Variants in GABRG3 observed in about 807,000 individuals in gnomAD.
GABRG3 encodes gamma-aminobutyric acid type A receptor subunit gamma3.
Under a neutral mutation model 48.8 loss-of-function variants are expected in GABRG3, and 25 were observed. The ratio of observed to expected loss-of-function variants is 0.51; its 90% CI spans 0.37 to 0.72. The LOEUF is 0.72. GABRG3 is among the 30% of genes least tolerant of loss of function. The probability of loss-of-function intolerance (pLI) is 0.00; values close to 1 mark genes in which losing one functional copy is unlikely to be tolerated. For missense variants in GABRG3, 394 were observed against 577.9 expected, an observed-to-expected ratio of 0.68 and a Z score of 3.26; for synonymous variants, 227 against 217.6, an observed-to-expected ratio of 1.04 and a Z score of -0.38.
Position 26,975,195 on chromosome 15 carries a change from T to C in GABRG3, c.54-1807T>C, listed in dbSNP as rs1444881191. Among the ~76,000 whole-genome samples, 1 of 152,188 alleles carries C rather than the reference T, an allele frequency of 6.6e-6. No individual in the cohort carries two copies. The highest frequency in any genetic ancestry group is 2.4e-5 in the African/African-American group (1 of 41,456). ...CCCGGCCAGATGACATGAAATATTT[T>C]AGAGTAACATTTAAAATTCTGTAGT... On this transcript the variant is annotated intron_variant, in intron 1 of 9. Transcript: ENST00000615808. This position sits in a 1 kb window ranked among gnomAD's most constrained non-coding sequence, Gnocchi z 4.6.
chr15:27,156,057 C>T (rs1044773189), intron 3 of GABRG3, among the ~76,000 whole-genome samples: 6 of 151,880 alleles, frequency 4.0e-5, no homozygotes, highest in Admixed American at 6.6e-5. Flanking sequence ...CCCAGCACTT[C>T]GGGAGGCTGA....
intron 5 of GABRG3, among the ~76,000 whole-genome samples, chr15:27,336,648 G>A (rs565751151): frequency 1.4e-4 from 21 of 152,294 alleles, no homozygotes; most frequent in African/African-American, 3.8e-4. Context: ...ATGACCTAGC[G>A]ATTGCAAGCT....
intron 3 of GABRG3, among the ~76,000 whole-genome samples, chr15:27,170,762 T>TA (rs1555407495): frequency 6.6e-6 from 1 of 152,266 alleles, no homozygotes; most frequent in Admixed American, 6.5e-5. Flanking sequence ...ATGTAACAAA[T>TA]AAGATGTGGG....
At position 27,072,466 on chromosome 15, in the gene GABRG3, CCTCT is replaced by C. The variant is rs151188655; in HGVS notation, c.270+45649_270+45652del. On this transcript the variant is annotated intron_variant, in intron 3 of 9. Transcript: ENST00000615808. ...ACACTCAAAATAGCTTCAGATACCACCTCTCTCAGGACATTTCATCTCACTTCAT... is the reference window on the plus strand; with the variant it reads ...ACACTCAAAATAGCTTCAGATACCACCTCAGGACATTTCATCTCACTTCAT... Among the ~76,000 whole-genome samples the C allele has an allele frequency of 3.2e-4, 48 of 152,272 alleles. 2 individuals are homozygous for C. The East Asian group carries it at 8.9e-3, about 28-fold the overall frequency.
intron 6 of GABRG3, among the ~76,000 whole-genome samples, chr15:27,492,127 C>T (rs1031566226): frequency 1.3e-5 from 2 of 152,120 alleles, no homozygotes; most frequent in Non-Finnish European, 2.9e-5. Flanking sequence ...GCCCATTTGT[C>T]AGGACTAATT....
At position 27,541,585 on chromosome 15, in the gene GABRG3, G is replaced by T. The variant is rs1010259493; in HGVS notation, c.*8704G>T. The T allele has an allele frequency of 6.6e-6, 1 of 152,280 alleles. No individual in the cohort carries two copies. The highest frequency in any genetic ancestry group is 2.4e-5 in the African/African-American group (1 of 41,448). 9.4% of individuals were successfully genotyped at this position (152,280 alleles called of 1,614,324 possible). A position where few individuals can be genotyped will look rare whatever the true frequency, so the allele number is the denominator to read the frequency against. On this transcript the variant is annotated 3_prime_UTR_variant, in exon 10 of 10. Coordinates refer to ENST00000615808, the MANE Select transcript of GABRG3 (RefSeq NM_033223.5). The stretch of plus-strand genomic sequence containing the variant: ...CATCTTAGAGCACCGGTGTGGATGC[G>T]CTTGGCCCCGAGGGGGCCGCGCCCT...
At chr15:27,301,701 CAAA>C (rs1892214505) in intron 3 of GABRG3, among the ~76,000 whole-genome samples, 1 of 151,454 alleles carries the variant, frequency 6.6e-6, no homozygotes, top group Admixed American at 6.6e-5. Flanking sequence ...CAAAAACAAA[CAAA>C]GAAGAAAACT....
intron 3 of GABRG3, among the ~76,000 whole-genome samples, chr15:27,307,119 A>G (rs1292407176): frequency 2.4e-5 from 3 of 125,786 alleles, no homozygotes; most frequent in Non-Finnish European, 4.6e-5. Flanking sequence ...TTATATATAA[A>G]CATAATATAA....
chr15:27,177,143 A>G (rs1371948627), intron 3 of GABRG3, among the ~76,000 whole-genome samples: 3 of 152,176 alleles, frequency 2.0e-5, no homozygotes, highest in Non-Finnish European at 4.4e-5. Flanking sequence ...ATGAAGTCAC[A>G]GGAGTGGCAA....
intron 3 of GABRG3, among the ~76,000 whole-genome samples, chr15:27,282,478 G>A (rs932458645): frequency 6.6e-6 from 1 of 151,934 alleles, no homozygotes; most frequent in East Asian, 1.9e-4. Context: ...TTCCTCTCTC[G>A]CATCCATTCT....
chr15:27,335,361 GCA>G (rs778248088), intron 5 of GABRG3, among the ~76,000 whole-genome samples: 1 of 152,156 alleles, frequency 6.6e-6, no homozygotes, highest in Non-Finnish European at 1.5e-5. Flanking sequence ...CACCAGCAAT[GCA>G]CAAAGATTTT....
chr15:27,379,425 T>C (rs1194990476), intron 5 of GABRG3, among the ~76,000 whole-genome samples: 1 of 152,250 alleles, frequency 6.6e-6, no homozygotes, highest in Non-Finnish European at 1.5e-5. Flanking sequence ...TCTTTATTGC[T>C]GTTATTTTGA....
At chr15:27,397,328 T>C (rs947377095) in intron 5 of GABRG3, among the ~76,000 whole-genome samples, 14 of 152,042 alleles carry the variant, frequency 9.2e-5, no homozygotes, top group African/African-American at 3.4e-4. Flanking sequence ...ACGATACCTG[T>C]GGAAATCTAC....
chr15:27,265,882 G>GTTTTTTTTT (rs57522857), intron 3 of GABRG3, among the ~76,000 whole-genome samples: 65 of 127,574 alleles, frequency 5.1e-4, no homozygotes, highest in South Asian at 3.6e-3. Flanking sequence ...TTTTCTCCTG[G>GTTTTTTTTT]TTTTTTTTTT....
chr15:27,241,969 A>G (rs550390687), intron 3 of GABRG3, among the ~76,000 whole-genome samples: 3 of 152,236 alleles, frequency 2.0e-5, no homozygotes, highest in African/African-American at 4.8e-5. Context: ...GCTTAACCAT[A>G]CAAGTGGTTA....
chr15:27,456,668 C>G (rs8041351), intron 5 of GABRG3, among the ~76,000 whole-genome samples: 20,275 of 152,186 alleles, frequency 0.13, 2,036 homozygotes, highest in African/African-American at 0.28. Context: ...CAGGGCTGCC[C>G]TGGAGTTTGG....
At chr15:27,519,851 ATTG>A (rs1891117336) in intron 6 of GABRG3, 118 bp from the exon 7 acceptor site, 1 of 699,800 alleles carries the variant, frequency 1.4e-6, no homozygotes, top group Non-Finnish European at 2.3e-6. Flanking sequence ...CTGATTTGAT[ATTG>A]TTGTAGTTGT....
intron 5 of GABRG3, among the ~76,000 whole-genome samples, chr15:27,343,719 A>G (rs528309146): frequency 6.6e-6 from 1 of 152,378 alleles, no homozygotes; most frequent in Admixed American, 6.5e-5. Context: ...CCTATTCAGA[A>G]CACGGTACGT....
chr15:27,070,589 CT>C (rs1896811284), intron 3 of GABRG3, among the ~76,000 whole-genome samples: 2 of 152,060 alleles, frequency 1.3e-5, no homozygotes, highest in Non-Finnish European at 2.9e-5. Context: ...TATTTTTGCC[CT>C]TTTTTGCTTT....
Sources: gnomAD v4.1 joint callset for allele counts (sites outside exome capture counted in the v4.1 genomes callset) on GRCh38, gnomAD v4.1.1 for gene constraint, Gnocchi (gnomAD v3.1) non-coding constraint, MANE v1.5 for transcripts, NCBI Gene and HGNC (gene_info 2026-07-23, HGNC 2026-07-21) for gene names.